Variants in EPB41L2 observed in about 807,000 individuals in gnomAD.
EPB41L2 encodes the protein erythrocyte membrane protein band 4.1 like 2, also known as band 4.1-like protein 2.
EPB41L2 carries 43 observed loss-of-function variants against 113.0 expected under a neutral mutation model. That is an observed-to-expected ratio of 0.38 (90% CI 0.30 to 0.49). EPB41L2 has a LOEUF of 0.49. Among genes scored for constraint, EPB41L2 ranks in the 20% least tolerant of loss-of-function variants. The pLI, the probability that EPB41L2 is intolerant of heterozygous loss-of-function variation, is 0.95. For missense variants in EPB41L2, 1,147 were observed against 1,223.4 expected (o/e 0.94, Z 0.93); for synonymous variants, 442 against 436.7 (o/e 1.01, Z -0.15).
In EPB41L2 at chr6:130,974,720, T is replaced by TTTTC. The variant is rs1423117155; in HGVS notation, c.-14-18222_-14-18221insGAAA. Reference sequence around the variant, plus strand: ...AGCCTCTTTTTTCTTTTCTTTTCTTTTTTTTTTTTTTTTTTTTTTTTTTGA... The same window carrying TTTTC: ...AGCCTCTTTTTTCTTTTCTTTTCTTTTTTCTTTTTTTTTTTTTTTTTTTTTTTGA... On this transcript the variant is annotated intron_variant, in intron 1 of 19. Coordinates refer to ENST00000337057, the MANE Select transcript of EPB41L2 (RefSeq NM_001431.4). 3.8e-4 allele frequency among the ~76,000 whole-genome samples: 46 copies of TTTTC among 120,096 alleles called. No individual in the cohort carries two copies. The South Asian group carries it at 0.014, about 36-fold the overall frequency. The allele number at this position is 120,096 out of a possible 152,430, so 78.8% of individuals were successfully genotyped here.
intron 1 of EPB41L2, among the ~76,000 whole-genome samples, chr6:130,958,334 C>T (rs1818167134): frequency 6.6e-6 from 1 of 151,994 alleles, no homozygotes; most frequent in African/African-American, 2.4e-5. Flanking sequence ...TCTCTGTAAT[C>T]CCAGCTACTC....
chr6:130,983,496 A>G, intron 1 of EPB41L2, among the ~76,000 whole-genome samples: 1 of 151,374 alleles, frequency 6.6e-6, no homozygotes, highest in Admixed American at 6.6e-5. Flanking sequence ...GCATGTTACT[A>G]TACACTTGTA....
At chr6:130,962,669 C>T (rs535773588) in intron 1 of EPB41L2, among the ~76,000 whole-genome samples, 5 of 152,266 alleles carry the variant, frequency 3.3e-5, no homozygotes, top group African/African-American at 1.2e-4. Context: ...CCCACACATA[C>T]AAAACATATG....
At chr6:130,858,291 C>T (rs777167464) in intron 18 of EPB41L2, 48 bp from the exon 19 acceptor site, 1 of 1,481,062 alleles carries the variant, frequency 6.8e-7, no homozygotes, top group Non-Finnish European at 9.3e-7. Context: ...GAACAGCCTC[C>T]ACCTCACAAT....
chr6:130,864,913 G>A, intron 17 of EPB41L2, among the ~76,000 whole-genome samples: 1 of 152,238 alleles, frequency 6.6e-6, no homozygotes, highest in East Asian at 1.9e-4. Flanking sequence ...TTAGAAAGCT[G>A]ATGACTTCAG....
rs756818186 is a variant in EPB41L2 at position 130,870,078 on chromosome 6, C to A, written c.2092G>T (p.Val698Phe). The A allele has an allele frequency of 1.7e-5, 28 of 1,613,850 alleles. No individual in the cohort carries two copies. The African/African-American group carries it at 3.3e-4, about 19-fold the overall frequency. Residue 698 changes from valine to phenylalanine, a missense_variant, in exon 15 of 20, where the codon GTT (valine) becomes TTT (phenylalanine). Val to Phe is a conservative substitution (Grantham distance 50, BLOSUM62 -1). Transcript: ENST00000337057. Reference protein sequence around the residue: ...NIVEEKKRAEVGKDERVITEE... With the variant: ...NIVEEKKRAEFGKDERVITEE... Reference sequence around the variant, plus strand: ...GTGATTACTCTTTCGTCTTTCCCAACCTCTGCCCGCTTCTTCTCCTCCACT... The same window carrying A: ...GTGATTACTCTTTCGTCTTTCCCAAACTCTGCCCGCTTCTTCTCCTCCACT...
In EPB41L2 at chr6:130,865,376, T is replaced by C. The variant is rs73000236; in HGVS notation, c.2829+160A>G. ...AATTTGGCTTGAATGCATTTGTCAA[T>C]GGAGCCTAATTTCTTGGATACTTTA... On this transcript the variant is annotated intron_variant, in intron 17 of 19. Transcript: ENST00000337057. Among the ~76,000 whole-genome samples, 798 of 152,360 alleles carry C rather than the reference T, an allele frequency of 5.2e-3. 3 individuals carry two copies. The highest frequency in any genetic ancestry group is 7.2e-3 in the Non-Finnish European group (493 of 68,032).
At chr6:130,940,961 A>C (rs1004822002) in intron 3 of EPB41L2, among the ~76,000 whole-genome samples, 1 of 152,162 alleles carries the variant, frequency 6.6e-6, no homozygotes, top group Non-Finnish European at 1.5e-5. Context: ...ACCTGCTATT[A>C]CTGTCTTATA....
chr6:131,014,685 A>T (rs768320808), intron 1 of EPB41L2, among the ~76,000 whole-genome samples: 1 of 152,238 alleles, frequency 6.6e-6, no homozygotes, highest in Admixed American at 6.5e-5. Flanking sequence ...AATTTCAGAA[A>T]CTGTCCAAAA....
intron 1 of EPB41L2, among the ~76,000 whole-genome samples, chr6:130,999,298 C>T (rs1298237372): frequency 6.6e-6 from 1 of 152,172 alleles, no homozygotes; most frequent in Admixed American, 6.5e-5. Flanking sequence ...TGCACCACAG[C>T]AACCAACCAT....
At chr6:131,018,235 C>G (rs913291711) in intron 1 of EPB41L2, among the ~76,000 whole-genome samples, 3 of 152,172 alleles carry the variant, frequency 2.0e-5, no homozygotes, top group African/African-American at 7.2e-5. Context: ...CTCTGCAAGA[C>G]AGCTGCCGCA....
In EPB41L2 at chr6:130,894,421, G is replaced by A. The variant is rs1303971228; in HGVS notation, c.1410C>T (p.Thr470=). 20 of 1,613,656 alleles carry A rather than the reference G, an allele frequency of 1.2e-5. No homozygotes were observed. Among genetic ancestry groups the A allele is most frequent in the East Asian group, 2.2e-5 (1 of 44,886 alleles). ...RPAELEQFES[T]IGFKLPNHRA... ...GGTGGTTTGGCAGTTTGAATCCAAT[G>A]GTACTCTCAAACTGTTCCAGCTGGA... Residue 470 remains threonine (T), a synonymous_variant, in exon 10 of 20, where the codon ACC becomes ACT. Transcript: ENST00000337057.
At chr6:130,873,046 C>T (rs940888170) in intron 14 of EPB41L2, among the ~76,000 whole-genome samples, 6 of 152,110 alleles carry the variant, frequency 3.9e-5, no homozygotes, top group Admixed American at 2.6e-4. Flanking sequence ...GTAAGGCCTT[C>T]CCTCACCACT....
At chr6:131,033,196 G>GA (rs942325914) in intron 1 of EPB41L2, among the ~76,000 whole-genome samples, 5 of 149,300 alleles carry the variant, frequency 3.3e-5, no homozygotes, top group South Asian at 2.1e-4. Flanking sequence ...ATTTAAAAAA[G>GA]AAAAAAAGAG....
chr6:131,002,598 T>C (rs893648636), intron 1 of EPB41L2, among the ~76,000 whole-genome samples: 4 of 152,258 alleles, frequency 2.6e-5, no homozygotes, highest in African/African-American at 7.2e-5. Context: ...GAATCTGGCA[T>C]GTGAGATGAT....
At chr6:130,967,413 T>A (rs1775548872) in intron 1 of EPB41L2, among the ~76,000 whole-genome samples, 1 of 152,220 alleles carries the variant, frequency 6.6e-6, no homozygotes, top group East Asian at 1.9e-4. Flanking sequence ...TTCCTCAGTG[T>A]GGACTTGAAA....
intron 1 of EPB41L2, among the ~76,000 whole-genome samples, chr6:130,999,162 T>C (rs1783800327): frequency 6.6e-6 from 1 of 152,106 alleles, no homozygotes; most frequent in Non-Finnish European, 1.5e-5. Context: ...AATGCTGTTC[T>C]TCTCTCTCCC....
intron 1 of EPB41L2, among the ~76,000 whole-genome samples, chr6:130,983,905 T>A (rs1375682033): frequency 6.6e-6 from 1 of 152,220 alleles, no homozygotes; most frequent in Non-Finnish European, 1.5e-5. Flanking sequence ...TGAATTAACC[T>A]TAGCTGTCTT....
chr6:131,014,526 T>C (rs1027664202), intron 1 of EPB41L2, among the ~76,000 whole-genome samples: 1 of 152,164 alleles, frequency 6.6e-6, no homozygotes, highest in African/African-American at 2.4e-5. Context: ...CAAAATTCAA[T>C]CTGTGACCCA....
Sources: gnomAD v4.1 joint callset for allele counts (sites outside exome capture counted in the v4.1 genomes callset) on GRCh38, gnomAD v4.1.1 for gene constraint, MANE v1.5 for transcripts, NCBI Gene and HGNC (gene_info 2026-07-23, HGNC 2026-07-21) for gene names.